ADGRB3: variants seen among roughly 807,000 people sequenced by gnomAD.
The protein encoded by ADGRB3 is brain-specific angiogenesis inhibitor 3.
Under a neutral mutation model 193.4 loss-of-function variants are expected in ADGRB3, and 37 were observed. The ratio of observed to expected loss-of-function variants is 0.19; its 90% CI spans 0.15 to 0.25. ADGRB3 has a LOEUF of 0.25. ADGRB3 is among the 10% of genes least tolerant of loss of function. ADGRB3 has a pLI of 1.00. For missense variants in ADGRB3, 1,637 were observed against 1,852.9 expected (o/e 0.88, Z 2.14); for synonymous variants, 690 against 644.2 (o/e 1.07, Z -1.08).
chr6:69,331,961 G>A, intron 23 of ADGRB3: 1 of 985,330 alleles, frequency 1.0e-6, no homozygotes, highest in Non-Finnish European at 1.2e-6. Flanking sequence ...TAATAGGTAT[G>A]TTTTGCATCT....
chr6:68,999,458 G>A (rs1281912407), intron 11 of ADGRB3, among the ~76,000 whole-genome samples: 1 of 151,982 alleles, frequency 6.6e-6, no homozygotes, highest in Non-Finnish European at 1.5e-5. Context: ...TAGAGATGGG[G>A]TTTCACCGTG....
chr6:68,698,412 A>G (rs761211142), intron 3 of ADGRB3, among the ~76,000 whole-genome samples: 2 of 152,054 alleles, frequency 1.3e-5, no homozygotes, highest in African/African-American at 2.4e-5. Flanking sequence ...AAATCATACC[A>G]TAAAGAATGG....
chr6:69,040,707 A>AAG (rs1771038099), intron 13 of ADGRB3, among the ~76,000 whole-genome samples: 1 of 60,394 alleles, frequency 1.7e-5, no homozygotes, highest in South Asian at 4.3e-4. Flanking sequence ...AAAAAAAAAA[A>AAG]AACAAACAAG....
chr6:69,281,642 C>G (rs1767439105), intron 20 of ADGRB3, among the ~76,000 whole-genome samples: 1 of 152,148 alleles, frequency 6.6e-6, no homozygotes, highest in Non-Finnish European at 1.5e-5. Flanking sequence ...CCACATGGTA[C>G]TGGCAAAACT....
intron 17 of ADGRB3, among the ~76,000 whole-genome samples, chr6:69,142,555 T>G (rs1299824783): frequency 6.6e-6 from 1 of 152,160 alleles, no homozygotes; most frequent in African/African-American, 2.4e-5. Flanking sequence ...CAAATTCATG[T>G]TTTTGGTTAT....
At chr6:68,937,904 G>A (rs552730455) in intron 5 of ADGRB3, among the ~76,000 whole-genome samples, 18 of 152,136 alleles carry the variant, frequency 1.2e-4, no homozygotes, top group Non-Finnish European at 2.6e-4. Flanking sequence ...TGATTAGATG[G>A]TAAATTTTAC....
intron 3 of ADGRB3, among the ~76,000 whole-genome samples, chr6:68,773,428 A>C (rs56236762): frequency 0.04 from 6,135 of 152,224 alleles, 254 homozygotes; most frequent in African/African-American, 0.1. Context: ...ACTTGTAATG[A>C]TACTCAGTTC....
chr6:68,813,665 C>T (rs1767565123), intron 3 of ADGRB3, among the ~76,000 whole-genome samples: 1 of 151,836 alleles, frequency 6.6e-6, no homozygotes, highest in Admixed American at 6.6e-5. Context: ...ATTAACTTGT[C>T]ATTTAGCATT....
intron 17 of ADGRB3, among the ~76,000 whole-genome samples, chr6:69,078,810 C>T (rs1772306112): frequency 6.6e-6 from 1 of 152,026 alleles, no homozygotes; most frequent in South Asian, 2.1e-4. Flanking sequence ...CTGTCTTCCT[C>T]ACTAGAAAAT....
At chr6:68,936,269 C>T (rs1767483759) in intron 4 of ADGRB3, among the ~76,000 whole-genome samples, 1 of 152,106 alleles carries the variant, frequency 6.6e-6, no homozygotes, top group Admixed American at 6.6e-5. Flanking sequence ...TCATAGTGTC[C>T]ATGGTACAGT....
intron 17 of ADGRB3, among the ~76,000 whole-genome samples, chr6:69,224,233 T>C (rs1218916026): frequency 6.6e-6 from 1 of 152,144 alleles, no homozygotes; most frequent in East Asian, 1.9e-4. Flanking sequence ...TGATATTAAA[T>C]TGGTGAGATC....
At chr6:69,167,704 G>A (rs892324874) in intron 17 of ADGRB3, among the ~76,000 whole-genome samples, 1 of 152,134 alleles carries the variant, frequency 6.6e-6, no homozygotes, top group Non-Finnish European at 1.5e-5. Context: ...CCTGAAAAGA[G>A]TCCACAAAAA....
intron 3 of ADGRB3, among the ~76,000 whole-genome samples, chr6:68,782,908 A>G (rs962845901): frequency 6.6e-6 from 1 of 151,868 alleles, no homozygotes; most frequent in African/African-American, 2.4e-5. Context: ...ACTCATTTTT[A>G]TAGACATACC....
At chr6:68,678,593 A>T (rs1764817441) in intron 3 of ADGRB3, among the ~76,000 whole-genome samples, 1 of 152,210 alleles carries the variant, frequency 6.6e-6, no homozygotes, top group Non-Finnish European at 1.5e-5. Flanking sequence ...GGGTGTAATC[A>T]AAGGAAGGTT....
intron 17 of ADGRB3, among the ~76,000 whole-genome samples, chr6:69,218,664 GT>G (rs1357974447): frequency 1.3e-5 from 2 of 152,074 alleles, no homozygotes; most frequent in Non-Finnish European, 2.9e-5. Context: ...GAATCTGTTT[GT>G]TTTTATAGGA....
chr6:68,733,416 A>G (rs1765810792), intron 3 of ADGRB3, among the ~76,000 whole-genome samples: 2 of 151,772 alleles, frequency 1.3e-5, no homozygotes, highest in African/African-American at 4.8e-5. Flanking sequence ...GCATGTTCTC[A>G]CTTATACAGT....
At position 69,130,742 on chromosome 6, in the gene ADGRB3, A is replaced by C. The variant is rs1773986873; in HGVS notation, c.2480+54704A>C. Among the ~76,000 whole-genome samples, 3 of 151,964 alleles carry C rather than the reference A, an allele frequency of 2.0e-5. No homozygotes were observed. In the South Asian group the frequency reaches 6.2e-4, roughly 32 times the overall value. ...TATTAAGTTGTAAACTTGATTTAAC[A>C]AATTCCAATGTGGATCAGTATCTCA... On this transcript the variant is annotated intron_variant, in intron 17 of 31. Transcript: ENST00000370598.
chr6:68,902,711 CAT>C (rs2150233792), intron 3 of ADGRB3, among the ~76,000 whole-genome samples: 1 of 152,024 alleles, frequency 6.6e-6, no homozygotes, highest in South Asian at 2.1e-4. Flanking sequence ...CACATATAAT[CAT>C]GTGATTCTGT....
chr6:69,064,887 A>G (rs1007084908), intron 16 of ADGRB3, among the ~76,000 whole-genome samples: 1 of 152,130 alleles, frequency 6.6e-6, no homozygotes, highest in African/African-American at 2.4e-5. Context: ...ACTATTTGAA[A>G]TGAACGTATT....
Sources: allele counts gnomAD v4.1 joint callset (sites outside exome capture counted in the v4.1 genomes callset), GRCh38; gene constraint gnomAD v4.1.1; transcripts MANE v1.5; gene names NCBI Gene and HGNC (gene_info 2026-07-23, HGNC 2026-07-21).